Variants in SDK2 observed in about 807,000 individuals in gnomAD.
SDK2 encodes the protein protein sidekick-2.
Under a neutral mutation model 253.9 loss-of-function variants are expected in SDK2, and 105 were observed. The observed-to-expected ratio is 0.41, with a 90% confidence interval of 0.35 to 0.49. The LOEUF (loss-of-function observed/expected upper bound fraction) is 0.49. SDK2 is among the 20% of genes least tolerant of loss of function. The pLI is 0.06. For synonymous variants in SDK2, 1,249 were observed against 1,234.9 expected (o/e 1.01, Z -0.24); for missense variants, 2,608 against 3,003.0 (o/e 0.87, Z 3.07).
At chr17:73,622,588 C>T (rs1371659804) in intron 1 of SDK2, among the ~76,000 whole-genome samples, 1 of 152,200 alleles carries the variant, frequency 6.6e-6, no homozygotes, top group African/African-American at 2.4e-5. Context: ...TGGAAATCCA[C>T]CCACTGCCTC....
In SDK2 at chr17:73,455,980, C is replaced by T. The variant is rs912535553; in HGVS notation, c.405G>A (p.Pro135=). 64 of 1,548,254 alleles carry T rather than the reference C, an allele frequency of 4.1e-5. No homozygotes were observed. The highest frequency in any genetic ancestry group is 7.9e-5 in the Admixed American group (4 of 50,796). Residue 135 remains proline (P), a synonymous_variant, in exon 4 of 45, where the codon CCG becomes CCA. Transcript: ENST00000392650. This position sits in a 1 kb window ranked among gnomAD's most constrained non-coding sequence, Gnocchi z 5.0. ...SHGEAAVIRA[P]RIASFPQPQV... The stretch of plus-strand genomic sequence containing the variant: ...GTGGCTGGGGGAAGCTGGCGATGCG[C>T]GGGGCACGGATGACAGCTGCTTCTC...
At chr17:73,626,399 C>T (rs1380334942) in intron 1 of SDK2, among the ~76,000 whole-genome samples, 4 of 152,328 alleles carry the variant, frequency 2.6e-5, no homozygotes, top group African/African-American at 9.6e-5. Context: ...ATGCACGGCG[C>T]CCAGCTATGC....
intron 1 of SDK2, among the ~76,000 whole-genome samples, chr17:73,513,300 C>A (rs902653626): frequency 2.0e-5 from 3 of 152,064 alleles, no homozygotes; most frequent in Non-Finnish European, 2.9e-5. Flanking sequence ...GAAAAATGGG[C>A]AAAGGATATG....
chr17:73,613,988 A>G (rs1376052776), intron 1 of SDK2, among the ~76,000 whole-genome samples: 1 of 152,250 alleles, frequency 6.6e-6, no homozygotes, highest in African/African-American at 2.4e-5. Flanking sequence ...CAAAAACAAA[A>G]GAAAACACCA....
Position 73,374,177 on chromosome 17 carries a change from C to T in SDK2, c.4980+5000G>A, listed in dbSNP as rs1011780913. Among the ~76,000 whole-genome samples, 3 of 144,818 alleles carry T rather than the reference C, an allele frequency of 2.1e-5. 1 individual carries two copies. Among genetic ancestry groups the T allele is most frequent in the African/African-American group, 8.2e-5 (3 of 36,436 alleles). ...TTTGTAGACTTCTTTTGTTCTTTAT[C>T]TTTCCTTGTCTAATCTCTAGCTTTC... On this transcript the variant is annotated intron_variant, in intron 36 of 44. Coordinates refer to ENST00000392650, the MANE Select transcript of SDK2 (RefSeq NM_001144952.2).
At chr17:73,637,018 A>G (rs1330532120) in intron 1 of SDK2, among the ~76,000 whole-genome samples, 1 of 152,220 alleles carries the variant, frequency 6.6e-6, no homozygotes, top group East Asian at 1.9e-4. Context: ...AGCAGCTGAC[A>G]GAGCTTGAAC....
chr17:73,544,797 C>G (rs546733686), intron 1 of SDK2, among the ~76,000 whole-genome samples: 12 of 152,264 alleles, frequency 7.9e-5, no homozygotes, highest in African/African-American at 2.9e-4. Flanking sequence ...AACAAGGGAG[C>G]AGCAGGGGTC....
At chr17:73,358,668 G>A (rs951186297) in intron 39 of SDK2, among the ~76,000 whole-genome samples, 1 of 152,076 alleles carries the variant, frequency 6.6e-6, no homozygotes, top group African/African-American at 2.4e-5. Flanking sequence ...GGAGGGGGTT[G>A]GTCGGAGCGG....
intron 40 of SDK2, chr17:73,357,574 C>A: frequency 3.9e-6 from 1 of 258,158 alleles, no homozygotes; most frequent in Non-Finnish European, 7.5e-6. Context: ...GGGGAGCAGC[C>A]CCCCGACTGA....
At chr17:73,582,252 C>T (rs573605583) in intron 1 of SDK2, among the ~76,000 whole-genome samples, 26 of 126,162 alleles carry the variant, frequency 2.1e-4, no homozygotes, top group African/African-American at 2.8e-4. Context: ...CATTTGGGGG[C>T]GCACACCACG....
At chr17:73,440,062 CG>C (rs1435682695) in intron 6 of SDK2, among the ~76,000 whole-genome samples, 7 of 150,294 alleles carry the variant, frequency 4.7e-5, no homozygotes, top group Admixed American at 1.3e-4. Context: ...GGGAAGGGCT[CG>C]GGTGGCTCCT....
At chr17:73,346,129 C>T (rs926689196) in intron 44 of SDK2, among the ~76,000 whole-genome samples, 1 of 151,750 alleles carries the variant, frequency 6.6e-6, no homozygotes, top group Non-Finnish European at 1.5e-5. Context: ...TTGTTTGAAC[C>T]CGGGAGGTGG....
chr17:73,644,023 A>G lies in SDK2; in HGVS notation c.64+2T>C, dbSNP rs1272603118. ...TGTCCCCACGTGGGGGTCCCTCCTT[A>G]CCTTGGGCTCTGGCCGCGCGGATCT... On this transcript the variant is annotated splice_donor_variant, in intron 1 of 44. Coordinates refer to ENST00000392650, the MANE Select transcript of SDK2 (RefSeq NM_001144952.2). LOFTEE classifies it high-confidence loss of function. The surrounding 1 kb of genome is among the most constrained non-coding windows in gnomAD (Gnocchi z 6.3). 6.7e-7 allele frequency: 1 copy of G among 1,491,766 alleles called. No homozygotes were observed. Among genetic ancestry groups the G allele is most frequent in the Non-Finnish European group, 9.0e-7 (1 of 1,115,112 alleles). The allele number at this position is 1,491,766 out of a possible 1,614,324, so 92.4% of individuals were successfully genotyped here. A position where few individuals can be genotyped will look rare whatever the true frequency, so the allele number is the denominator to read the frequency against.
At position 73,447,878 on chromosome 17, in the gene SDK2, G is replaced by T; in HGVS notation, c.480-130C>A. ...TCCCCAGCCTCCCAGGGCCCCTCCT[G>T]CCACCCCCTCCCCAACCTCTTACTG... On this transcript the variant is annotated intron_variant, in intron 4 of 44. Transcript: ENST00000392650. This position sits in a 1 kb window ranked among gnomAD's most constrained non-coding sequence, Gnocchi z 4.0. 3 of 1,044,788 alleles carry T rather than the reference G, an allele frequency of 2.9e-6. No individual in the cohort carries two copies. Among genetic ancestry groups the T allele is most frequent in the Non-Finnish European group, 4.2e-6 (3 of 717,910 alleles). The allele number at this position is 1,044,788 out of a possible 1,614,324, so 64.7% of individuals were successfully genotyped here.
rs1376690569 is a variant in SDK2, at chr17:73,398,155, G to A, written c.3234C>T (p.Gly1078=). 1 of 1,613,554 alleles carries A rather than the reference G, an allele frequency of 6.2e-7. No homozygotes were observed. Among genetic ancestry groups the A allele is most frequent in the Non-Finnish European group, 8.5e-7 (1 of 1,179,758 alleles). The stretch of plus-strand genomic sequence containing the variant: ...TAGAAGGCTGACTGGGGGGGCTGGT[G>A]CCCACGATGTTCACCTGGCGCATGC... ...SFRMRQVNIV[G]TSPPSQPSRK... is the part of the protein sequence containing the mutation. The change falls in exon 24 of 45, where the codon GGC becomes GGT. Residue 1078 remains glycine, a synonymous_variant. Transcript: ENST00000392650.
intron 2 of SDK2, among the ~76,000 whole-genome samples, chr17:73,475,083 T>C (rs2063676990): frequency 6.6e-6 from 1 of 152,190 alleles, no homozygotes; most frequent in South Asian, 2.1e-4. Context: ...TGGGAAAAAG[T>C]CTATGAAAAT....
intron 1 of SDK2, among the ~76,000 whole-genome samples, chr17:73,563,264 AG>A (rs535595166): frequency 7.2e-4 from 110 of 152,374 alleles, no homozygotes; most frequent in African/African-American, 2.5e-3. Flanking sequence ...CAAATATCTT[AG>A]GGAATTCACA....
chr17:73,527,890 G>T lies in SDK2; in HGVS notation c.65-20293C>A, dbSNP rs548961134. Among the ~76,000 whole-genome samples, 14 of 152,274 alleles carry T rather than the reference G, an allele frequency of 9.2e-5. No homozygotes were observed. In the East Asian group the frequency reaches 2.7e-3, roughly 29 times the overall value. On this transcript the variant is annotated intron_variant, in intron 1 of 44. Coordinates refer to ENST00000392650, the MANE Select transcript of SDK2 (RefSeq NM_001144952.2). Reference sequence around the variant, plus strand: ...GGGAGAGGAGGTGGCTTTTTCGCTAGGATTCTGGTGCTGACGATGGGGGTG... The same window carrying T: ...GGGAGAGGAGGTGGCTTTTTCGCTATGATTCTGGTGCTGACGATGGGGGTG...
At chr17:73,513,328 T>G (rs966374966) in intron 1 of SDK2, among the ~76,000 whole-genome samples, 6 of 152,186 alleles carry the variant, frequency 3.9e-5, no homozygotes, top group Admixed American at 3.3e-4. Context: ...CAGAAGAGAA[T>G]TACAAATGCC....
Sources: gnomAD v4.1 joint callset for allele counts (sites outside exome capture counted in the v4.1 genomes callset) on GRCh38, gnomAD v4.1.1 for gene constraint, Gnocchi (gnomAD v3.1) non-coding constraint, MANE v1.5 for transcripts, NCBI Gene and HGNC (gene_info 2026-07-23, HGNC 2026-07-21) for gene names.